The following CHKB variants were observed in gnomAD, a reference collection of about 807,000 sequenced individuals.
CHKB encodes choline/ethanolamine kinase.
CHKB carries 45 observed loss-of-function variants against 57.3 expected under a neutral mutation model. That is an observed-to-expected ratio of 0.79 (90% CI 0.62 to 1.01). The LOEUF (loss-of-function observed/expected upper bound fraction) is 1.01. Among genes scored for constraint, CHKB ranks in the 50% least tolerant of loss-of-function variants. The probability of loss-of-function intolerance (pLI) is 0.00; values close to 1 mark genes in which losing one functional copy is unlikely to be tolerated. For synonymous variants in CHKB, 224 were observed against 201.8 expected (o/e 1.11, Z -0.93); for missense variants, 517 against 502.8 (o/e 1.03, Z -0.27).
chr22:50,579,043 C>T lies in CHKB; in HGVS notation c.*138G>A. ...CCAGCCATGGGGACCTACTCAAACT[C>T]AGGAACAGGCCGGTCTCCTGAACCT... On this transcript the variant is annotated 3_prime_UTR_variant, in exon 11 of 11. Coordinates refer to ENST00000406938, the MANE Select transcript of CHKB (RefSeq NM_005198.5). 1.2e-6 allele frequency: 1 copy of T among 827,452 alleles called. No homozygotes were observed. 51.3% of individuals were successfully genotyped at this position (827,452 alleles called of 1,614,324 possible). A position where few individuals can be genotyped will look rare whatever the true frequency, so the allele number is the denominator to read the frequency against.
intron 3 of CHKB, 97 bp downstream of exon 3, chr22:50,581,652 A>G (rs1348948312): frequency 6.3e-7 from 1 of 1,583,540 alleles, no homozygotes; most frequent in Non-Finnish European, 8.7e-7. Flanking sequence ...GAAATTCCCT[A>G]CTTGGGGTGA....
Position 50,582,642 on chromosome 22 carries a change from C to A in CHKB, c.140G>T (p.Arg47Leu). The change falls in exon 1 of 11, where the codon CGC (arginine) becomes CTC (leucine). Residue 47 changes from arginine to leucine, a missense_variant. Physicochemically the swap from Arg to Leu is moderately radical, Grantham distance 102. Coordinates refer to ENST00000406938, the MANE Select transcript of CHKB (RefSeq NM_005198.5). ...CTCCCGGCACCATTGGTAGGCTCGG[C>A]GCTCGGCGTCACGCGACAGCGACGA... is the stretch of plus-strand genomic sequence containing the variant. ...RASSLSRDAE[R>L]RAYQWCREYL... 1 of 1,610,830 alleles carries A rather than the reference C, an allele frequency of 6.2e-7. No individual in the cohort carries two copies. The highest frequency in any genetic ancestry group is 8.5e-7 in the Non-Finnish European group (1 of 1,179,376).
At chr22:50,580,165 T>C in intron 7 of CHKB, 25 bp downstream of exon 7, 1 of 1,613,658 alleles carries the variant, frequency 6.2e-7, no homozygotes, top group South Asian at 1.1e-5. Context: ...AACAGATCTA[T>C]GGGAAGCCAT....
In CHKB at chr22:50,581,317, T is replaced by A; in HGVS notation, c.581+103A>T. 3.5e-6 allele frequency: 5 copies of A among 1,445,570 alleles called. No individual in the cohort carries two copies. In the South Asian group the frequency reaches 4.8e-5, roughly 14 times the overall value. The allele number at this position is 1,445,570 out of a possible 1,614,324, so 89.5% of individuals were successfully genotyped here. A position where few individuals can be genotyped will look rare whatever the true frequency, so the allele number is the denominator to read the frequency against. ...GCCTGTTCTGTGACAGCCCATGACA[T>A]CAGATCCACTCAAGTGGAGGGCTGG... On this transcript the variant is annotated intron_variant, in intron 4 of 10. Coordinates refer to ENST00000406938, the MANE Select transcript of CHKB (RefSeq NM_005198.5).
At chr22:50,582,521 AT>A in intron 1 of CHKB, 36 bp downstream of exon 1, 1 of 1,580,588 alleles carries the variant, frequency 6.3e-7, no homozygotes, top group Non-Finnish European at 8.6e-7. Flanking sequence ...CCTGACCCCG[AT>A]CCGCGCACCG....
At position 50,582,539 on chromosome 22, in the gene CHKB, C is replaced by T. The variant is rs1157894542; in HGVS notation, c.224+19G>A. 18 of 1,598,478 alleles carry T rather than the reference C, an allele frequency of 1.1e-5. No homozygotes were observed. The highest frequency in any genetic ancestry group is 1.5e-5 in the Non-Finnish European group (18 of 1,173,552). On this transcript the variant is annotated intron_variant, in intron 1 of 10. Coordinates refer to ENST00000406938, the MANE Select transcript of CHKB (RefSeq NM_005198.5). ...GACCCCGATCCGCGCACCGGAGAGG[C>T]TGACCCCTGACCTCCCACCTCACGG...
rs2070609677 is a variant in CHKB at position 50,579,098 on chromosome 22, C to A, written c.*83G>T. On this transcript the variant is annotated 3_prime_UTR_variant, in exon 11 of 11. Coordinates refer to ENST00000406938, the MANE Select transcript of CHKB (RefSeq NM_005198.5). ...TTCACTTGGGGGCTCAGCCCAGTCGCCAGGGCCTTCTGCTCGTTGTTCCTC... is the reference window on the plus strand; with the variant it reads ...TTCACTTGGGGGCTCAGCCCAGTCGACAGGGCCTTCTGCTCGTTGTTCCTC... 7.3e-7 allele frequency: 1 copy of A among 1,369,158 alleles called. No individual in the cohort carries two copies. The highest frequency in any genetic ancestry group is 1.0e-6 in the Non-Finnish European group (1 of 977,218). 84.8% of individuals were successfully genotyped at this position (1,369,158 alleles called of 1,614,324 possible).
In CHKB at chr22:50,582,847, T is replaced by C. The variant is rs1603443801; in HGVS notation, c.-66A>G. ...CTCCCTTCGGACGGGCTCGGTTCCT[T>C]CCGGCCGCGCTCGGCTCCTCTTCCG... On this transcript the variant is annotated 5_prime_UTR_variant, in exon 1 of 11. Transcript: ENST00000406938. The C allele has an allele frequency of 1.6e-6, 2 of 1,262,650 alleles. No homozygotes were observed. Among genetic ancestry groups the C allele is most frequent in the Middle Eastern group, 2.6e-4 (1 of 3,808 alleles). 78.2% of individuals were successfully genotyped at this position (1,262,650 alleles called of 1,614,324 possible).
Position 50,582,374 on chromosome 22 carries a change from G to T in CHKB, c.225-17C>A. The T allele has an allele frequency of 6.5e-7, 1 of 1,538,302 alleles. No homozygotes were observed. The highest frequency in any genetic ancestry group is 1.2e-5 in the South Asian group (1 of 84,012). On this transcript the variant is annotated splice_polypyrimidine_tract_variant and intron_variant, in intron 1 of 10. Coordinates refer to ENST00000406938, the MANE Select transcript of CHKB (RefSeq NM_005198.5). ...AGGCCTCCGCTGCAGACCCACACCA[G>T]GCGCGCTCAGCCCGCGGCCGGCCCT...
rs373596637 is a variant in CHKB at position 50,582,800 on chromosome 22, C to G, written c.-19G>C. 1.9e-6 allele frequency: 3 copies of G among 1,546,824 alleles called. No homozygotes were observed. The African/African-American group carries it at 4.1e-5, about 21-fold the overall frequency. On this transcript the variant is annotated 5_prime_UTR_variant, in exon 1 of 11. Coordinates refer to ENST00000406938, the MANE Select transcript of CHKB (RefSeq NM_005198.5). ...CCGCCATGGCGCGGGCTCGACCGGGCCCCAGGCCAGGCTGCGCTCCGCTCC... is the reference window on the plus strand; with the variant it reads ...CCGCCATGGCGCGGGCTCGACCGGGGCCCAGGCCAGGCTGCGCTCCGCTCC...
At position 50,582,239 on chromosome 22, in the gene CHKB, C is replaced by G. The variant is rs86337; in HGVS notation, c.333+10G>C. On this transcript the variant is annotated intron_variant, in intron 2 of 10. Coordinates refer to ENST00000406938, the MANE Select transcript of CHKB (RefSeq NM_005198.5). The stretch of plus-strand genomic sequence containing the variant: ...AGCCACTGGTGCTGCGGCGCTCACA[C>G]CCCCCTCACCTGCAAGATGGCTCCG... 11 of 1,573,190 alleles carry G rather than the reference C, an allele frequency of 7.0e-6. No homozygotes were observed. The highest frequency in any genetic ancestry group is 8.6e-6 in the Non-Finnish European group (10 of 1,160,838).
At chr22:50,580,783 TTC>T in intron 4 of CHKB, 123 bp from the exon 5 acceptor site, 11 of 882,050 alleles carry the variant, frequency 1.2e-5, no homozygotes, top group Non-Finnish European at 2.0e-5. Context: ...CGGCAATCAT[TTC>T]TTTTTTTCTT....
intron 9 of CHKB, 78 bp downstream of exon 9, chr22:50,579,649 C>G (rs2070632797): frequency 5.3e-6 from 8 of 1,508,898 alleles, no homozygotes; most frequent in Non-Finnish European, 7.4e-6. Context: ...ACCTTCCCTG[C>G]AGCTTGATAA....
At chr22:50,582,058 G>C in intron 2 of CHKB, 191 bp downstream of exon 2, 1 of 768,436 alleles carries the variant, frequency 1.3e-6, no homozygotes, top group Non-Finnish European at 2.3e-6. Flanking sequence ...TCGAACTCCT[G>C]TGCTCAAGTG....
rs2070659266 is a variant in CHKB at position 50,580,298 on chromosome 22, C to T, written c.737-27G>A. 1.9e-6 allele frequency: 3 copies of T among 1,613,886 alleles called. No homozygotes were observed. In the East Asian group the frequency reaches 6.7e-5, roughly 36 times the overall value. On this transcript the variant is annotated intron_variant, in intron 6 of 10. Transcript: ENST00000406938. ...TGGGGGAATGGGGTGAGGTTCTGCT[C>T]ACTCCAGAGCCCTCTGGCTCTTCCA...
rs368142650 is a variant in CHKB at position 50,581,800 on chromosome 22, C to A, written c.396G>T (p.Gly132=). The A allele has an allele frequency of 6.2e-7, 1 of 1,613,870 alleles. No individual in the cohort carries two copies. Among genetic ancestry groups the A allele is most frequent in the Non-Finnish European group, 8.5e-7 (1 of 1,179,996 alleles). The change falls in exon 3 of 11, where the codon GGG becomes GGT. Residue 132 remains glycine (G), a synonymous_variant. Transcript: ENST00000406938. ...MFAILAERSL[G]PQLYGVFPEG... Reference sequence around the variant, plus strand: ...CTGGGAAGACTCCGTACAGCTGGGGCCCCAGCGACCGCTCCGCAAGTATGG... The same window carrying A: ...CTGGGAAGACTCCGTACAGCTGGGGACCCAGCGACCGCTCCGCAAGTATGG...
chr22:50,579,579 T>G (rs956915372), intron 9 of CHKB, 72 bp from the exon 10 acceptor site: 2 of 1,572,240 alleles, frequency 1.3e-6, no homozygotes, highest in South Asian at 1.1e-5. Flanking sequence ...CTCACCCAGG[T>G]TGGCCAATCC....
intron 1 of CHKB, 46 bp downstream of exon 1, chr22:50,582,512 C>A: frequency 6.4e-7 from 1 of 1,567,984 alleles, no homozygotes; most frequent in Non-Finnish European, 8.6e-7. Context: ...CGGCTGACCC[C>A]TGACCCCGAT....
Position 50,582,741 on chromosome 22 carries a change from A to G in CHKB, c.41T>C (p.Val14Ala), listed in dbSNP as rs1305592006. 6.3e-7 allele frequency: 1 copy of G among 1,599,356 alleles called. No homozygotes were observed. The highest frequency in any genetic ancestry group is 1.7e-5 in the Admixed American group (1 of 58,380). ...EATAVAGSGA[V>A]GGCLAKDGLQ... ...GCCGTCTTTGGCCAGGCAGCCGCCA[A>G]CAGCCCCGCTTCCGGCCACAGCTGT... is the stretch of plus-strand genomic sequence containing the variant. The change falls in exon 1 of 11, where the codon GTT (valine) becomes GCT (alanine). Residue 14 changes from valine to alanine, a missense_variant. Transcript: ENST00000406938.
Sources: allele counts gnomAD v4.1 joint callset, GRCh38; gene constraint gnomAD v4.1.1; transcripts MANE v1.5; gene names NCBI Gene and HGNC (gene_info 2026-07-23, HGNC 2026-07-21).